TLN2: variants seen among roughly 807,000 people sequenced by gnomAD.
The protein encoded by TLN2 is talin 2, also known as talin-2.
TLN2 carries 118 observed loss-of-function variants against 294.7 expected under a neutral mutation model. The ratio of observed to expected loss-of-function variants is 0.40; its 90% CI spans 0.34 to 0.47. The LOEUF is 0.47. TLN2 is among the 20% of genes least tolerant of loss of function. The probability of loss-of-function intolerance (pLI) is 0.84; values close to 1 mark genes in which losing one functional copy is unlikely to be tolerated. For synonymous variants in TLN2, 1,431 were observed against 1,304.5 expected, an observed-to-expected ratio of 1.10 and a Z score of -2.09; for missense variants, 3,083 against 3,282.2, an observed-to-expected ratio of 0.94 and a Z score of 1.48.
intron 1 of TLN2, among the ~76,000 whole-genome samples, chr15:62,474,248 G>A (rs964671130): frequency 6.6e-6 from 1 of 152,144 alleles, no homozygotes; most frequent in Non-Finnish European, 1.5e-5. Context: ...TGAAACTGAA[G>A]GCATAATTGT....
chr15:62,692,717 A>G (rs1170519825), intron 12 of TLN2, 123 bp from the exon 13 acceptor site: 1 of 696,710 alleles, frequency 1.4e-6, no homozygotes, highest in African/African-American at 1.9e-5. Flanking sequence ...ATTCATTTGT[A>G]TTTAGAGAGG....
At chr15:62,697,136 C>G (rs937544778) in intron 14 of TLN2, among the ~76,000 whole-genome samples, 1 of 152,212 alleles carries the variant, frequency 6.6e-6, no homozygotes, top group African/African-American at 2.4e-5. Context: ...GAGACAGAGT[C>G]TCACTCTTTT....
At chr15:62,456,968 G>A (rs181706294) in intron 1 of TLN2, among the ~76,000 whole-genome samples, 1 of 152,278 alleles carries the variant, frequency 6.6e-6, no homozygotes, top group Admixed American at 6.5e-5. Context: ...GTAGGGCATC[G>A]TGCCTCACAA....
intron 54 of TLN2, chr15:62,830,388 T>C (rs551879187): frequency 2.0e-5 from 3 of 152,612 alleles, no homozygotes; most frequent in Non-Finnish European, 4.4e-5. Context: ...CCCCAGTCTC[T>C]CAGCTGCAGT....
At chr15:62,825,576 A>C (rs1271698629) in intron 54 of TLN2, among the ~76,000 whole-genome samples, 1 of 149,744 alleles carries the variant, frequency 6.7e-6, no homozygotes, top group Admixed American at 6.8e-5. Flanking sequence ...GGGGCCGGGC[A>C]TGGTGGCTCA....
intron 13 of TLN2, among the ~76,000 whole-genome samples, 166 bp from the exon 14 acceptor site, chr15:62,694,150 A>T (rs1351505016): frequency 5.9e-5 from 9 of 151,316 alleles, no homozygotes; most frequent in African/African-American, 1.5e-4. Flanking sequence ...GTATATATAT[A>T]TTTTTTATTA....
chr15:62,564,218 G>T (rs1269008546), intron 1 of TLN2, among the ~76,000 whole-genome samples: 3 of 152,180 alleles, frequency 2.0e-5, no homozygotes. Flanking sequence ...AGGCAGGATG[G>T]TGCCTCAGCC....
At chr15:62,687,360 A>G (rs1411841267) in intron 12 of TLN2, among the ~76,000 whole-genome samples, 1 of 152,226 alleles carries the variant, frequency 6.6e-6, no homozygotes, top group Non-Finnish European at 1.5e-5. Context: ...CTTCAGCTAT[A>G]AAATGGTGAT....
At chr15:62,838,653 G>T (rs558496214) in intron 57 of TLN2, among the ~76,000 whole-genome samples, 229 of 150,074 alleles carry the variant, frequency 1.5e-3, no homozygotes, top group African/African-American at 5.7e-3. Flanking sequence ...TCATTCATCT[G>T]TGAGTGACCA....
At position 62,536,419 on chromosome 15, in the gene TLN2, G is replaced by A. The variant is rs560271127; in HGVS notation, c.-237-53268G>A. On this transcript the variant is annotated intron_variant, in intron 1 of 58. Coordinates refer to ENST00000636159, the MANE Select transcript of TLN2 (RefSeq NM_015059.3). ...CTTCTGATATCTTGTTTTTTCTTCT[G>A]TGGCACCAATTTGGGTGCATTTTTG... Among the ~76,000 whole-genome samples the A allele has an allele frequency of 4.6e-5, 7 of 152,238 alleles. No individual in the cohort carries two copies. The South Asian group carries it at 1.0e-3, about 23-fold the overall frequency.
intron 1 of TLN2, among the ~76,000 whole-genome samples, chr15:62,532,100 G>T (rs1483456444): frequency 1.3e-5 from 2 of 151,188 alleles, no homozygotes; most frequent in African/African-American, 4.9e-5. Flanking sequence ...CCCAGGCTGG[G>T]GTGCAAAGGG....
At chr15:62,559,247 A>G (rs908029214) in intron 1 of TLN2, among the ~76,000 whole-genome samples, 6 of 152,182 alleles carry the variant, frequency 3.9e-5, no homozygotes, top group Non-Finnish European at 7.3e-5. Flanking sequence ...TACTAGGATC[A>G]CCGAAAATTG....
rs116017245 is a variant in TLN2, at chr15:62,559,422, C to T, written c.-237-30265C>T. On this transcript the variant is annotated intron_variant, in intron 1 of 58. Coordinates refer to ENST00000636159, the MANE Select transcript of TLN2 (RefSeq NM_015059.3). ...TCCCCAATGTTCAGCTACACCCTTC[C>T]TACTCTTCATGGCCAAATTGGAGAA... Among the ~76,000 whole-genome samples, 1,517 of 152,312 alleles carry T rather than the reference C, an allele frequency of 1.0e-2. 20 individuals carry two copies. The highest frequency in any genetic ancestry group is 0.035 in the African/African-American group (1,463 of 41,554).
intron 41 of TLN2, among the ~76,000 whole-genome samples, chr15:62,768,630 A>G (rs2141041237): frequency 6.6e-6 from 1 of 152,346 alleles, no homozygotes; most frequent in Middle Eastern, 3.4e-3. Context: ...GTTATGTACC[A>G]AATACTCAAA....
At chr15:62,645,119 A>C (rs1232291196) in intron 3 of TLN2, 2 of 154,716 alleles carry the variant, frequency 1.3e-5, no homozygotes, top group Non-Finnish European at 2.9e-5. Flanking sequence ...CATCACAGCA[A>C]ATTAGTCCAT....
intron 1 of TLN2, among the ~76,000 whole-genome samples, chr15:62,545,787 T>A (rs1156728193): frequency 6.6e-6 from 1 of 152,176 alleles, no homozygotes; most frequent in Non-Finnish European, 1.5e-5. Flanking sequence ...GGCAGGGCCT[T>A]ATTCTGATTG....
At chr15:62,507,079 T>C (rs1332029118) in intron 1 of TLN2, among the ~76,000 whole-genome samples, 2 of 152,226 alleles carry the variant, frequency 1.3e-5, no homozygotes, top group Non-Finnish European at 1.5e-5. Context: ...TTTAAGATTA[T>C]TTAATCTCGT....
intron 7 of TLN2, among the ~76,000 whole-genome samples, chr15:62,653,628 C>T (rs1267660208): frequency 6.6e-6 from 1 of 151,836 alleles, no homozygotes; most frequent in Non-Finnish European, 1.5e-5. Flanking sequence ...TCAGGAGGCT[C>T]AGGCAGGAGA....
intron 1 of TLN2, among the ~76,000 whole-genome samples, chr15:62,493,585 C>T (rs2038862468): frequency 6.6e-6 from 1 of 151,796 alleles, no homozygotes; most frequent in African/African-American, 2.4e-5. Flanking sequence ...ACGTAGGAAG[C>T]TGGCCCAACA....
Sources: allele counts gnomAD v4.1 joint callset (sites outside exome capture counted in the v4.1 genomes callset), GRCh38; gene constraint gnomAD v4.1.1; transcripts MANE v1.5; gene names NCBI Gene and HGNC (gene_info 2026-07-23, HGNC 2026-07-21).